The following CCSER1 variants were observed in gnomAD, a reference collection of about 807,000 sequenced individuals.
The protein encoded by CCSER1 is serine-rich coiled-coil domain-containing protein 1.
A neutral mutation model predicts 82.0 loss-of-function variants in CCSER1; 41 were observed. The observed-to-expected ratio is 0.50, with a 90% CI of 0.39 to 0.65. CCSER1 has a LOEUF of 0.65. Among genes scored for constraint, CCSER1 ranks in the 30% least tolerant of loss-of-function variants. The probability of loss-of-function intolerance (pLI) is 0.00; values close to 1 mark genes in which losing one functional copy is unlikely to be tolerated. For missense variants in CCSER1, 1,119 were observed against 1,064.2 expected (o/e 1.05, Z -0.72); for synonymous variants, 414 against 383.9 (o/e 1.08, Z -0.92).
intron 7 of CCSER1, among the ~76,000 whole-genome samples, chr4:90,746,592 C>G (rs1259657957): frequency 2.0e-5 from 3 of 152,060 alleles, no homozygotes; most frequent in African/African-American, 7.2e-5. Flanking sequence ...GTCAGATTGT[C>G]TTTTTCTTTG....
rs1740622894 is a variant in CCSER1 at position 91,255,629 on chromosome 4, GA to G, written c.2217+169637del. 2.0e-5 allele frequency among the ~76,000 whole-genome samples: 3 copies of G among 152,162 alleles called. No homozygotes were observed. The South Asian group carries it at 6.2e-4, about 32-fold the overall frequency. Reference sequence around the variant, plus strand: ...GGGACACCGAAAGGAGGGACCTGCTGAAGCTGTGACAGAAGAACATAAATTG... The same window carrying G: ...GGGACACCGAAAGGAGGGACCTGCTGAGCTGTGACAGAAGAACATAAATTG... On this transcript the variant is annotated intron_variant, in intron 10 of 10. Coordinates refer to ENST00000509176, the MANE Select transcript of CCSER1 (RefSeq NM_001145065.2).
At chr4:90,946,210 A>G (rs1161977459) in intron 9 of CCSER1, among the ~76,000 whole-genome samples, 2 of 152,258 alleles carry the variant, frequency 1.3e-5, no homozygotes, top group Admixed American at 6.5e-5. Flanking sequence ...TAAGTCCTCG[A>G]AGAGAATAAT....
Position 90,468,586 on chromosome 4 carries a change from G to A in CCSER1, c.1724+232G>A, listed in dbSNP as rs77072336. The A allele has an allele frequency of 1.0e-2, 3,523 of 353,562 alleles. 50 individuals are homozygous for A. The highest frequency in any genetic ancestry group is 0.046 in the African/African-American group (2,200 of 47,548). 21.9% of individuals were successfully genotyped at this position (353,562 alleles called of 1,614,324 possible). On this transcript the variant is annotated intron_variant, in intron 5 of 10. Coordinates refer to ENST00000509176, the MANE Select transcript of CCSER1 (RefSeq NM_001145065.2). ...GTTTCATTTTGTTACCTTATCTTAAGGACATGGGCAAGTAGGCTGATGTAC... is the reference window on the plus strand; with the variant it reads ...GTTTCATTTTGTTACCTTATCTTAAAGACATGGGCAAGTAGGCTGATGTAC...
At chr4:91,299,285 T>C (rs1307741288) in intron 10 of CCSER1, among the ~76,000 whole-genome samples, 1 of 152,010 alleles carries the variant, frequency 6.6e-6, no homozygotes, top group Non-Finnish European at 1.5e-5. Context: ...GTACAAATGG[T>C]ATATCTGTGG....
chr4:91,154,662 A>G (rs1056881043), intron 10 of CCSER1, among the ~76,000 whole-genome samples: 2 of 152,024 alleles, frequency 1.3e-5, no homozygotes, highest in African/African-American at 4.8e-5. Flanking sequence ...GCCATCTTGG[A>G]ACCTTTTTCC....
At chr4:90,275,876 G>A (rs1340782872) in intron 1 of CCSER1, among the ~76,000 whole-genome samples, 3 of 152,214 alleles carry the variant, frequency 2.0e-5, no homozygotes, top group Non-Finnish European at 4.4e-5. Flanking sequence ...CAGCAAAAGT[G>A]TTAATGAAAT....
At chr4:90,418,644 C>G (rs939797728) in intron 4 of CCSER1, among the ~76,000 whole-genome samples, 2 of 151,820 alleles carry the variant, frequency 1.3e-5, no homozygotes, top group Non-Finnish European at 2.9e-5. Flanking sequence ...CTGTAATTAG[C>G]CATTTTGATT....
intron 1 of CCSER1, among the ~76,000 whole-genome samples, chr4:90,293,177 CAT>C (rs1731242986): frequency 6.6e-6 from 1 of 150,532 alleles, no homozygotes; most frequent in Admixed American, 6.6e-5. Context: ...TTATTTTAGA[CAT>C]ATGTTCATGA....
At chr4:90,390,891 A>C (rs1389492270) in intron 3 of CCSER1, among the ~76,000 whole-genome samples, 2 of 152,130 alleles carry the variant, frequency 1.3e-5, no homozygotes, top group Non-Finnish European at 2.9e-5. Context: ...CAACTAGTTT[A>C]CATTCCCACC....
At chr4:90,892,297 C>T (rs1451464281) in intron 8 of CCSER1, among the ~76,000 whole-genome samples, 1 of 151,662 alleles carries the variant, frequency 6.6e-6, no homozygotes, top group Non-Finnish European at 1.5e-5. Flanking sequence ...TTTCTAGCCC[C>T]TCTCCTTGCA....
intron 6 of CCSER1, among the ~76,000 whole-genome samples, chr4:90,637,003 A>G (rs1467157515): frequency 6.6e-6 from 1 of 152,226 alleles, no homozygotes. Flanking sequence ...TAAAGTTGTC[A>G]TAAAATTATA....
intron 10 of CCSER1, among the ~76,000 whole-genome samples, chr4:91,286,570 A>G (rs1743294638): frequency 6.6e-6 from 1 of 151,812 alleles, no homozygotes; most frequent in Non-Finnish European, 1.5e-5. Context: ...CCTTATCTAC[A>G]TGTGATATGA....
At chr4:91,195,142 C>T (rs1735307866) in intron 10 of CCSER1, among the ~76,000 whole-genome samples, 1 of 152,084 alleles carries the variant, frequency 6.6e-6, no homozygotes, top group Non-Finnish European at 1.5e-5. Flanking sequence ...ATAGGTTGTC[C>T]ATGCTGAGAG....
intron 9 of CCSER1, among the ~76,000 whole-genome samples, chr4:91,005,075 G>A (rs1738383084): frequency 1.3e-5 from 2 of 152,116 alleles, no homozygotes; most frequent in South Asian, 4.1e-4. Context: ...TCCCACATCT[G>A]ACATCTTGGT....
At chr4:90,412,420 C>A (rs188653116) in intron 4 of CCSER1, among the ~76,000 whole-genome samples, 21 of 149,494 alleles carry the variant, frequency 1.4e-4, no homozygotes, top group African/African-American at 4.9e-4. Context: ...ACATATGTAA[C>A]AAACTTACAC....
intron 1 of CCSER1, among the ~76,000 whole-genome samples, chr4:90,203,747 G>C (rs1384565512): frequency 6.6e-6 from 1 of 152,054 alleles, no homozygotes; most frequent in East Asian, 1.9e-4. Flanking sequence ...TCTGGATCTA[G>C]AGCCATGAGG....
At chr4:91,585,024 CATA>C (rs1422116569) in intron 10 of CCSER1, among the ~76,000 whole-genome samples, 2 of 151,508 alleles carry the variant, frequency 1.3e-5, no homozygotes, top group Non-Finnish European at 3.0e-5. Context: ...CTTACCTCAT[CATA>C]AACCTTTAAT....
intron 9 of CCSER1, among the ~76,000 whole-genome samples, chr4:90,968,039 C>G (rs997888906): frequency 6.6e-6 from 1 of 151,998 alleles, no homozygotes; most frequent in Non-Finnish European, 1.5e-5. Context: ...TTCCTACCTT[C>G]CTTAATCATG....
chr4:90,352,489 C>T (rs1334771706), intron 3 of CCSER1, among the ~76,000 whole-genome samples: 1 of 151,938 alleles, frequency 6.6e-6, no homozygotes, highest in Non-Finnish European at 1.5e-5. Context: ...CATGATGAAA[C>T]CCGTCCCTAC....
Sources: gnomAD v4.1 joint callset for allele counts (sites outside exome capture counted in the v4.1 genomes callset) on GRCh38, gnomAD v4.1.1 for gene constraint, MANE v1.5 for transcripts, NCBI Gene and HGNC (gene_info 2026-07-23, HGNC 2026-07-21) for gene names.